Variants in GPR108 observed in about 807,000 individuals in gnomAD.
GPR108 encodes protein GPR108.
A neutral mutation model predicts 74.3 loss-of-function variants in GPR108; 60 were observed. The observed-to-expected ratio is 0.81, with a 90% CI of 0.66 to 1.00. The LOEUF is 1.00. GPR108 is among the 50% of genes least tolerant of loss of function. The pLI is 0.00. For missense variants in GPR108, 667 were observed against 703.3 expected (o/e 0.95, Z 0.58); for synonymous variants, 311 against 292.4 (o/e 1.06, Z -0.65).
At position 6,733,652 on chromosome 19, in the gene GPR108, T is replaced by A; in HGVS notation, c.641A>T (p.Gln214Leu). The change falls in exon 8 of 18, where the codon CAG (glutamine) becomes CTG (leucine). Residue 214 changes from glutamine (Q) to leucine (L), a missense_variant. Physicochemically the swap from Gln to Leu is moderately radical, Grantham distance 113. Transcript: ENST00000264080. Reference protein sequence around the residue: ...NFSFHVVIGSQAEEGQYSLNF... With the variant: ...NFSFHVVIGSLAEEGQYSLNF... ...CAGGCTGTACTGGCCTTCTTCCGCCTGAGAGCCGATCACCACGTGGAACTG... is the reference window on the plus strand; with the variant it reads ...CAGGCTGTACTGGCCTTCTTCCGCCAGAGAGCCGATCACCACGTGGAACTG... 3 of 1,614,048 alleles carry A rather than the reference T, an allele frequency of 1.9e-6. No individual in the cohort carries two copies. Among genetic ancestry groups the A allele is most frequent in the Non-Finnish European group, 2.5e-6 (3 of 1,179,964 alleles).
Position 6,730,986 on chromosome 19 carries a change from C to T in GPR108, c.1559+1G>A. The T allele has an allele frequency of 6.2e-7, 1 of 1,609,840 alleles. No homozygotes were observed. Among genetic ancestry groups the T allele is most frequent in the Non-Finnish European group, 8.5e-7 (1 of 1,177,558 alleles). On this transcript the variant is annotated splice_donor_variant, in intron 17 of 17. Transcript: ENST00000264080. LOFTEE classifies it high-confidence loss of function. Reference sequence around the variant, plus strand: ...GGCCCTGCCCATGGTGCCCAGCTCACACTTGCTCCATCTGAACATCCTCCT... The same window carrying T: ...GGCCCTGCCCATGGTGCCCAGCTCATACTTGCTCCATCTGAACATCCTCCT...
At chr19:6,733,725 G>A (rs766333105) in intron 7 of GPR108, 51 bp from the exon 8 acceptor site, 13 of 1,590,692 alleles carry the variant, frequency 8.2e-6, no homozygotes, top group African/African-American at 1.3e-5. Context: ...CCGTGGTCTG[G>A]GGCGACAATC....
In GPR108 at chr19:6,734,268, A is replaced by T. The variant is rs1568240146; in HGVS notation, c.414T>A (p.Phe138Leu). 1.7e-5 allele frequency: 27 copies of T among 1,614,090 alleles called. No homozygotes were observed. The highest frequency in any genetic ancestry group is 2.2e-5 in the Non-Finnish European group (26 of 1,180,012). Residue 138 changes from phenylalanine (F) to leucine (L), a missense_variant, in exon 5 of 18, where the codon TTT (phenylalanine) becomes TTA (leucine). Physicochemically the swap from Phe to Leu is conservative, Grantham distance 22 (BLOSUM62 0). Coordinates refer to ENST00000264080, the MANE Select transcript of GPR108 (RefSeq NM_001080452.2). ...VRKYGEQKTL[F>L]IFPGLLPEAP... The stretch of plus-strand genomic sequence containing the variant: ...CTTCCGGGAGGAGCCCGGGAAAGAT[A>T]AACAACGTCTTCTGCTCTCCATACT...
At chr19:6,731,549 C>A in intron 14 of GPR108, 27 bp from the exon 15 acceptor site, 1 of 443,602 alleles carries the variant, frequency 2.3e-6, no homozygotes, top group South Asian at 3.8e-5. Context: ...AGAGGGCGGT[C>A]AGGGGAGACT....
chr19:6,731,034 G>T lies in GPR108; in HGVS notation c.1512C>A (p.Tyr504Ter). The change falls in exon 17 of 18, where the codon TAC (tyrosine) becomes TAA (stop). Residue 504 changes from tyrosine to a stop codon, truncating the protein, a stop_gained. Transcript: ENST00000264080. LOFTEE classifies it high-confidence loss of function. Reference sequence around the variant, plus strand: ...CCTCGTCCTCCTGGGGCAGCTGCAGGTACGGGTTGTTTCCTGTGGGCTGGA... The same window carrying T: ...CCTCGTCCTCCTGGGGCAGCTGCAGTTACGGGTTGTTTCCTGTGGGCTGGA... ...YKFQPTGNNP[Y>*]LQLPQEDEED... The T allele has an allele frequency of 5.0e-6, 8 of 1,613,732 alleles. No homozygotes were observed. The highest frequency in any genetic ancestry group is 5.9e-6 in the Non-Finnish European group (7 of 1,179,890).
Position 6,734,023 on chromosome 19 carries a change from T to C in GPR108, c.531A>G (p.Ser177=), listed in dbSNP as rs757818096. ...CCGAAACCTGAATCACTGCGGGTGT[T>C]GACTTGGGCTTGCTGGCTGCAGAGG... The part of the protein sequence containing the change: ...GGTSAASKPK[S]TPAVIQGPSG... The change falls in exon 6 of 18, where the codon TCA becomes TCG. Residue 177 remains serine (S), a synonymous_variant. Transcript: ENST00000264080. The C allele has an allele frequency of 6.2e-7, 1 of 1,614,096 alleles. No individual in the cohort carries two copies. The highest frequency in any genetic ancestry group is 8.5e-7 in the Non-Finnish European group (1 of 1,180,022).
At position 6,730,318 on chromosome 19, in the gene GPR108, C is replaced by T; in HGVS notation, c.1626G>A (p.Leu542=). The T allele has an allele frequency of 1.2e-6, 2 of 1,613,792 alleles. No individual in the cohort carries two copies. The highest frequency in any genetic ancestry group is 1.7e-6 in the Non-Finnish European group (2 of 1,179,756). Residue 542 remains leucine, a synonymous_variant, in exon 18 of 18, where the codon CTG becomes CTA. Transcript: ENST00000264080. ...GTCTGAGATGTGGAGGTGATCATAA[C>T]AGTTCCCGCCCGCTGGCTGTTTTGT... is the stretch of plus-strand genomic sequence containing the variant. ...KVNKTASGRE[L]L
intron 7 of GPR108, 66 bp from the exon 8 acceptor site, chr19:6,733,740 T>TG: frequency 6.3e-7 from 1 of 1,580,388 alleles, no homozygotes; most frequent in Admixed American, 1.7e-5. Flanking sequence ...ACAATCAGCT[T>TG]GGGGGTCCCA....
At chr19:6,730,905 C>A in intron 17 of GPR108, 82 bp downstream of exon 17, 3 of 993,792 alleles carry the variant, frequency 3.0e-6, no homozygotes, top group East Asian at 5.8e-5. Context: ...AGTCCCTCCC[C>A]CCTGCCCACC....
At chr19:6,731,839 C>T in intron 14 of GPR108, 52 bp downstream of exon 14, 2 of 1,601,606 alleles carry the variant, frequency 1.2e-6, no homozygotes, top group Non-Finnish European at 1.7e-6. Flanking sequence ...AAAGAAGGGC[C>T]CGGAGGAGGA....
intron 2 of GPR108, 136 bp from the exon 3 acceptor site, chr19:6,736,094 C>CTTT: frequency 1.3e-6 from 1 of 777,140 alleles, no homozygotes. Context: ...CGCTCTTTTT[C>CTTT]TTTTTTAGAG....
intron 10 of GPR108, chr19:6,732,766 C>T (rs62125099): frequency 0.012 from 7,681 of 655,292 alleles, 83 homozygotes; most frequent in South Asian, 0.029. Flanking sequence ...CAATCAGAGA[C>T]GGACAGTCAC....
intron 3 of GPR108, 24 bp downstream of exon 3, chr19:6,735,884 G>T: frequency 6.2e-7 from 1 of 1,607,814 alleles, no homozygotes; most frequent in Non-Finnish European, 8.5e-7. Context: ...CCCTTCTCCC[G>T]TCTTCCCCAT....
At position 6,732,358 on chromosome 19, in the gene GPR108, TGAA is replaced by T. The variant is rs1177256890; in HGVS notation, c.1027_1029del (p.Phe343del). ...CCTGAGCCAATCAGGGCGATGGTGA[TGAA>T]GAGGAGGGCGCCCTTCAGCCTGAAG... is the stretch of plus-strand genomic sequence containing the variant. On this transcript the variant is annotated inframe_deletion, in exon 12 of 18. Coordinates refer to ENST00000264080, the MANE Select transcript of GPR108 (RefSeq NM_001080452.2). The T allele has an allele frequency of 6.2e-7, 1 of 1,613,478 alleles. No individual in the cohort carries two copies. The highest frequency in any genetic ancestry group is 1.7e-5 in the Admixed American group (1 of 60,030).
intron 17 of GPR108, chr19:6,730,626 T>TA (rs1192479706): frequency 4.5e-6 from 2 of 446,496 alleles, no homozygotes; most frequent in Non-Finnish European, 8.0e-6. Context: ...ACTCTACCCG[T>TA]AACCACTCAG....
At chr19:6,733,105 C>T in intron 9 of GPR108, 43 bp from the exon 10 acceptor site, 4 of 1,613,440 alleles carry the variant, frequency 2.5e-6, no homozygotes, top group Non-Finnish European at 2.5e-6. Context: ...GGGGCATCAG[C>T]AGAGCATAGG....
At position 6,737,447 on chromosome 19, in the gene GPR108, C is replaced by A. The variant is rs1438003843; in HGVS notation, c.120+10G>T. 1 of 1,585,876 alleles carries A rather than the reference C, an allele frequency of 6.3e-7. No individual in the cohort carries two copies. Among genetic ancestry groups the A allele is most frequent in the Non-Finnish European group, 8.5e-7 (1 of 1,174,674 alleles). On this transcript the variant is annotated intron_variant, in intron 1 of 17. Transcript: ENST00000264080. ...CCACCGACCCCAGACCCTCGCGCGG[C>A]GGGCCTCACCGTCAGCGCCAGCTGG...
chr19:6,736,095 TTTTTTA>T, intron 2 of GPR108, 137 bp from the exon 3 acceptor site: 1 of 758,606 alleles, frequency 1.3e-6, no homozygotes, highest in Non-Finnish European at 2.1e-6. Context: ...GCTCTTTTTC[TTTTTTA>T]GAGTTGGGGT....
rs768050988 is a variant in GPR108 at position 6,734,202 on chromosome 19, G to A, written c.480C>T (p.Val160=). ...KPGLPKPQAT[V]PRKVDGGGTS... ...ACTCACCGCCATCCACCTTGCGGGG[G>A]ACTGTGGCCTGTGGCTTCGGGAGCC... Residue 160 remains valine (V), a synonymous_variant, in exon 5 of 18, where the codon GTC becomes GTT. Transcript: ENST00000264080. The A allele has an allele frequency of 4.3e-6, 7 of 1,614,218 alleles. No homozygotes were observed. The Admixed American group carries it at 1.0e-4, about 23-fold the overall frequency.
Sources: allele counts gnomAD v4.1 joint callset, GRCh38; gene constraint gnomAD v4.1.1; transcripts MANE v1.5; gene names NCBI Gene and HGNC (gene_info 2026-07-23, HGNC 2026-07-21).